TNRC6B: variants seen among roughly 807,000 people sequenced by gnomAD.
TNRC6B encodes the protein trinucleotide repeat containing adaptor 6B.
In TNRC6B, 52 loss-of-function variants were observed where a neutral mutation model predicts 203.6. The observed-to-expected ratio is 0.26, with a 90% CI of 0.20 to 0.32. TNRC6B has a LOEUF of 0.32. Ranked by LOEUF, TNRC6B falls within the 10% of genes least tolerant of loss-of-function variation. The probability of loss-of-function intolerance (pLI) is 1.00; values close to 1 mark genes in which losing one functional copy is unlikely to be tolerated. For missense variants in TNRC6B, 1,923 were observed against 2,286.2 expected (o/e 0.84, Z 3.24); for synonymous variants, 838 against 845.7 (o/e 0.99, Z 0.16).
chr22:40,195,525 C>T (rs1399007718), intron 1 of TNRC6B, among the ~76,000 whole-genome samples: 5 of 152,024 alleles, frequency 3.3e-5, no homozygotes, highest in Admixed American at 6.6e-5. Context: ...TGCAATGGCA[C>T]GATCTTAGCT....
chr22:40,091,137 A>G (rs1362810390), intron 1 of TNRC6B, among the ~76,000 whole-genome samples: 2 of 150,732 alleles, frequency 1.3e-5, no homozygotes, highest in Admixed American at 6.6e-5. Context: ...GCCCGCCACC[A>G]CACCCGCATA....
At chr22:40,306,426 C>A (rs1193194955) in intron 15 of TNRC6B, among the ~76,000 whole-genome samples, 4 of 152,158 alleles carry the variant, frequency 2.6e-5, no homozygotes. Context: ...TCTTTTTAAT[C>A]TTTGCCAGAA....
In TNRC6B at chr22:40,107,383, A is replaced by G. The variant is rs1046474685; in HGVS notation, c.-120-9672A>G. On this transcript the variant is annotated intron_variant, in intron 1 of 23. Coordinates refer to the TNRC6B transcript ENST00000301923. Reference sequence around the variant, plus strand: ...AGACTTTCTGGCTGTCCTCAGCAGAATGGTTGGTCTTCATTACCTGGTTTA... The same window carrying G: ...AGACTTTCTGGCTGTCCTCAGCAGAGTGGTTGGTCTTCATTACCTGGTTTA... Among the ~76,000 whole-genome samples the G allele has an allele frequency of 2.0e-5, 3 of 152,220 alleles. No individual in the cohort carries two copies. The East Asian group carries it at 5.8e-4, about 29-fold the overall frequency.
At chr22:40,261,778 G>C (rs1180714403) in intron 3 of TNRC6B, 54 bp from the exon 4 acceptor site, 2 of 1,331,220 alleles carry the variant, frequency 1.5e-6, no homozygotes, top group East Asian at 5.1e-5. Flanking sequence ...AAAATTTTTA[G>C]AAAAAATGTA....
intron 1 of TNRC6B, among the ~76,000 whole-genome samples, chr22:40,074,248 A>AAG (rs1555975720): frequency 0.019 from 2,859 of 151,336 alleles, 87 homozygotes; most frequent in African/African-American, 0.066. Context: ...AAAAAAAAAA[A>AAG]AAAAGAAAAG....
intron 12 of TNRC6B, among the ~76,000 whole-genome samples, chr22:40,290,184 A>G (rs2070850964): frequency 6.6e-6 from 1 of 152,208 alleles, no homozygotes; most frequent in Non-Finnish European, 1.5e-5. Context: ...CAGCCACATC[A>G]GCCCTTGAAA....
chr22:40,265,675 G>A lies in TNRC6B; in HGVS notation c.1445G>A (p.Gly482Glu). 1 of 1,613,942 alleles carries A rather than the reference G, an allele frequency of 6.2e-7. No homozygotes were observed. The highest frequency in any genetic ancestry group is 8.5e-7 in the Non-Finnish European group (1 of 1,179,866). Residue 482 changes from glycine (G) to glutamate (E), a missense_variant, in exon 5 of 23, where the codon GGG becomes GAG. Physicochemically the swap from Gly to Glu is moderately conservative, Grantham distance 98. This residue lies in a region of TNRC6B where 614 missense variants were observed against 587.7 expected (regional missense o/e 1.04). Coordinates refer to ENST00000454349, the MANE Select transcript of TNRC6B (RefSeq NM_001162501.2). The part of the protein sequence containing the change: ...SWDNNNRSTG[G>E]SWNFGPQDSN... ...GACAACAATAACAGGTCTACGGGTG[G>A]GTCCTGGAACTTTGGCCCCCAGGAC...
rs1463159384 is a variant in TNRC6B at position 40,334,627 on chromosome 22, T to C, written c.*11386T>C. On this transcript the variant is annotated 3_prime_UTR_variant, in exon 23 of 23. Transcript: ENST00000454349. ...AATGCTGCTTTGGGTTCCATAATCC[T>C]AGGGGGCTATGTTTACATAGTAAAA... 1 of 152,608 alleles carries C rather than the reference T, an allele frequency of 6.6e-6. No homozygotes were observed. Among genetic ancestry groups the C allele is most frequent in the Non-Finnish European group, 1.5e-5 (1 of 68,018 alleles). 9.5% of individuals were successfully genotyped at this position (152,608 alleles called of 1,614,324 possible).
chr22:40,142,775 CT>C (rs1382194749), intron 3 of TNRC6B, among the ~76,000 whole-genome samples: 1 of 152,046 alleles, frequency 6.6e-6, no homozygotes, highest in Non-Finnish European at 1.5e-5. Context: ...ATAATTGATT[CT>C]TTTGAACCTA....
chr22:40,182,972 A>C (rs145678111), intron 1 of TNRC6B, among the ~76,000 whole-genome samples: 1 of 152,246 alleles, frequency 6.6e-6, no homozygotes, highest in East Asian at 1.9e-4. Flanking sequence ...TCACCATCTG[A>C]AATTATTTGT....
chr22:40,164,490 C>T (rs1267061446), intron 4 of TNRC6B, among the ~76,000 whole-genome samples: 3 of 149,264 alleles, frequency 2.0e-5, no homozygotes, highest in Non-Finnish European at 4.4e-5. Context: ...TGACCAGGCA[C>T]AGTGGCTCAA....
intron 15 of TNRC6B, among the ~76,000 whole-genome samples, chr22:40,304,015 T>G (rs1441106887): frequency 2.0e-5 from 3 of 152,230 alleles, no homozygotes; most frequent in Non-Finnish European, 4.4e-5. Flanking sequence ...AATAGATTAT[T>G]TGATGAAAAT....
intron 1 of TNRC6B, among the ~76,000 whole-genome samples, chr22:40,238,362 T>C (rs1474207526): frequency 1.3e-5 from 2 of 152,202 alleles, no homozygotes; most frequent in East Asian, 3.8e-4. Context: ...TTGGAAGTTT[T>C]GCATTTAGGT....
intron 3 of TNRC6B, among the ~76,000 whole-genome samples, chr22:40,255,277 TGTTGTCCTTTGCC>T (rs2070254847): frequency 6.6e-6 from 1 of 152,200 alleles, no homozygotes; most frequent in Non-Finnish European, 1.5e-5. Context: ...ATTTTTTAGG[TGTTGTCCTTTGCC>T]ACTGGGACAC....
Position 40,312,594 on chromosome 22 carries a change from A to G in TNRC6B, c.4525A>G (p.Thr1509Ala). The change falls in exon 18 of 23, where the codon ACA becomes GCA. Residue 1509 changes from threonine (T) to alanine (A), a missense_variant. Physicochemically the swap from Thr to Ala is moderately conservative, Grantham distance 58. Transcript: ENST00000454349. ...YVTPGSVLGG[T>A]ATSPIVDTDH... ...CACCCCAGGAAGTGTGCTGGGGGGT[A>G]CAGCCACATCTCCCATTGTAGATAC... is the stretch of plus-strand genomic sequence containing the variant. 1 of 1,614,046 alleles carries G rather than the reference A, an allele frequency of 6.2e-7. No individual in the cohort carries two copies. The highest frequency in any genetic ancestry group is 8.5e-7 in the Non-Finnish European group (1 of 1,179,968).
At chr22:40,260,828 G>A (rs1173686687) in intron 3 of TNRC6B, among the ~76,000 whole-genome samples, 2 of 152,218 alleles carry the variant, frequency 1.3e-5, no homozygotes, top group East Asian at 3.8e-4. Flanking sequence ...TGACCTTGCT[G>A]TGTTTAAATT....
intron 2 of TNRC6B, among the ~76,000 whole-genome samples, chr22:40,120,653 T>G (rs574010765): frequency 6.6e-6 from 1 of 152,306 alleles, no homozygotes; most frequent in East Asian, 1.9e-4. Context: ...AGATATAAGT[T>G]GAGATCAAAG....
At chr22:40,185,421 C>G (rs980140510) in intron 1 of TNRC6B, among the ~76,000 whole-genome samples, 1 of 152,192 alleles carries the variant, frequency 6.6e-6, no homozygotes, top group African/African-American at 2.4e-5. Context: ...GCCATATACT[C>G]TCATTACCAT....
rs1157835580 is a variant in TNRC6B, at chr22:40,265,407, G to A, written c.1177G>A (p.Gly393Arg). ...LSSPNPMENK[G>R]MPFGMGLGNT... ...TTCACCAAACCCCATGGAGAATAAG[G>A]GAATGCCCTTTGGAATGGGCTTGGG... The change falls in exon 5 of 23, where the codon GGA (glycine) becomes AGA (arginine). Residue 393 changes from glycine to arginine, a missense_variant. By Grantham distance (125) the Gly-to-Arg change is moderately radical (BLOSUM62 -2). This residue lies in a region of TNRC6B where 614 missense variants were observed against 587.7 expected (regional missense o/e 1.04). Coordinates refer to ENST00000454349, the MANE Select transcript of TNRC6B (RefSeq NM_001162501.2). 1.2e-6 allele frequency: 2 copies of A among 1,613,970 alleles called. No homozygotes were observed. The highest frequency in any genetic ancestry group is 1.7e-5 in the Admixed American group (1 of 60,020).
Sources: gnomAD v4.1 joint callset for allele counts (sites outside exome capture counted in the v4.1 genomes callset) on GRCh38, gnomAD v4.1.1 for gene constraint, gnomAD v4.1.1 regional missense constraint, MANE v1.5 for transcripts, NCBI Gene and HGNC (gene_info 2026-07-23, HGNC 2026-07-21) for gene names.